KIAA0513: variants seen among roughly 807,000 people sequenced by gnomAD.
KIAA0513 encodes the protein KIAA0513, also known as uncharacterized protein KIAA0513.
KIAA0513 carries 39 observed loss-of-function variants against 56.5 expected under a neutral mutation model. That is an observed-to-expected ratio of 0.69 (90% confidence interval 0.53 to 0.90). The LOEUF (loss-of-function observed/expected upper bound fraction) is 0.90, where lower values mean the gene tolerates loss of function less well. Ranked by LOEUF, KIAA0513 falls within the 40% of genes least tolerant of loss-of-function variation. The probability of loss-of-function intolerance (pLI) is 0.00; values close to 1 mark genes in which losing one functional copy is unlikely to be tolerated. For synonymous variants in KIAA0513, 268 were observed against 215.6 expected (o/e 1.24, Z -2.13); for missense variants, 591 against 535.2 (o/e 1.10, Z -1.03).
chr16:85,034,236 C>G (rs2073004987), intron 1 of KIAA0513, among the ~76,000 whole-genome samples: 1 of 152,112 alleles, frequency 6.6e-6, no homozygotes, highest in African/African-American at 2.4e-5. Flanking sequence ...AAAAATTAGC[C>G]AGGCATGGTT....
intron 1 of KIAA0513, among the ~76,000 whole-genome samples, chr16:85,036,123 G>C (rs1270258248): frequency 6.6e-6 from 1 of 152,112 alleles, no homozygotes; most frequent in Non-Finnish European, 1.5e-5. Context: ...CCTGCTTAGA[G>C]TGTTTAAACA....
chr16:85,032,998 C>T (rs2072986854), intron 1 of KIAA0513, among the ~76,000 whole-genome samples: 1 of 151,976 alleles, frequency 6.6e-6, no homozygotes, highest in Admixed American at 6.6e-5. Context: ...TCTTTTGGGT[C>T]CAGGGGTTGC....
intron 1 of KIAA0513, among the ~76,000 whole-genome samples, chr16:85,053,729 A>G (rs1027560864): frequency 6.6e-6 from 1 of 152,284 alleles, no homozygotes; most frequent in East Asian, 1.9e-4. Flanking sequence ...GCGGTGGCTC[A>G]CGCCTATAAT....
chr16:85,054,697 T>G (rs1345871415), intron 1 of KIAA0513, among the ~76,000 whole-genome samples: 1 of 152,146 alleles, frequency 6.6e-6, no homozygotes, highest in Admixed American at 6.6e-5. Flanking sequence ...CCCACAGTTC[T>G]GGGATTACAG....
chr16:85,040,446 C>G (rs2326464), intron 1 of KIAA0513, among the ~76,000 whole-genome samples: 5,326 of 152,126 alleles, frequency 0.035, 272 homozygotes, highest in African/African-American at 0.11. Context: ...AGGAGGATCG[C>G]TTGAACCTGG....
Position 85,081,424 on chromosome 16 carries a change from A to G in KIAA0513, c.980+32A>G. On this transcript the variant is annotated intron_variant, in intron 9 of 12. Transcript: ENST00000683363. This position sits in a 1 kb window ranked among gnomAD's most constrained non-coding sequence, Gnocchi z 4.4. ...GCAAAGTGTGGCCCCATTTGGCCTC[A>G]GGAAAAAGGACCAGGGAGTGGCTTT... 1 of 1,530,326 alleles carries G rather than the reference A, an allele frequency of 6.5e-7. No homozygotes were observed. Among genetic ancestry groups the G allele is most frequent in the Non-Finnish European group, 8.9e-7 (1 of 1,127,076 alleles). The allele number at this position is 1,530,326 out of a possible 1,614,324, so 94.8% of individuals were successfully genotyped here. A position where few individuals can be genotyped will look rare whatever the true frequency, so the allele number is the denominator to read the frequency against.
chr16:85,086,540 C>T (rs2073810581), intron 10 of KIAA0513, 104 bp from the exon 11 acceptor site: 4 of 1,076,084 alleles, frequency 3.7e-6, no homozygotes, highest in East Asian at 5.2e-5. Context: ...CCGGTGGGGG[C>T]CGTACATGGG....
intron 1 of KIAA0513, among the ~76,000 whole-genome samples, chr16:85,061,483 A>ATG (rs755200546): frequency 1.3e-5 from 2 of 152,178 alleles, no homozygotes; most frequent in South Asian, 2.1e-4. Flanking sequence ...CATGCGTGTG[A>ATG]TGTGTGTGTG....
Position 85,066,979 on chromosome 16 carries a change from G to A in KIAA0513, c.-93G>A. ...TTACTGGCAACTTGTGAGCTTGGTG[G>A]GCTCCTACTAACGCACCTGGGACAC... On this transcript the variant is annotated 5_prime_UTR_variant, in exon 2 of 13. Transcript: ENST00000683363. The A allele has an allele frequency of 9.0e-7, 1 of 1,113,124 alleles. No homozygotes were observed. The highest frequency in any genetic ancestry group is 1.3e-6 in the Non-Finnish European group (1 of 790,654). 69.0% of individuals were successfully genotyped at this position (1,113,124 alleles called of 1,614,324 possible).
At chr16:85,037,243 G>T (rs1350444001) in intron 1 of KIAA0513, among the ~76,000 whole-genome samples, 1 of 152,058 alleles carries the variant, frequency 6.6e-6, no homozygotes, top group Non-Finnish European at 1.5e-5. Flanking sequence ...AGATGACTCA[G>T]TGGCAAAAGT....
rs1398908361 is a variant in KIAA0513 at position 85,086,615 on chromosome 16, C to G, written c.1011-29C>G. 5 of 1,606,270 alleles carry G rather than the reference C, an allele frequency of 3.1e-6. No homozygotes were observed. In the South Asian group the frequency reaches 4.4e-5, roughly 14 times the overall value. ...GGGGCAAGGACAGCACCATCTGAGC[C>G]CCGCTTCTGTCACCTCCTGTGCTTG... On this transcript the variant is annotated intron_variant, in intron 10 of 12. Coordinates refer to ENST00000683363, the MANE Select transcript of KIAA0513 (RefSeq NM_001388359.1).
chr16:85,085,798 C>T (rs117246034), intron 10 of KIAA0513, among the ~76,000 whole-genome samples: 1 of 152,234 alleles, frequency 6.6e-6, no homozygotes, highest in Admixed American at 6.5e-5. Context: ...CCACTTCAGG[C>T]CTTGTGCGGA....
At chr16:85,069,623 C>T (rs561521873) in intron 2 of KIAA0513, among the ~76,000 whole-genome samples, 238 of 152,052 alleles carry the variant, frequency 1.6e-3, no homozygotes, top group African/African-American at 5.5e-3. Flanking sequence ...CCATGGGGTT[C>T]AGGTGTGGAT....
At chr16:85,050,043 G>A (rs1202533452) in intron 1 of KIAA0513, among the ~76,000 whole-genome samples, 3 of 152,136 alleles carry the variant, frequency 2.0e-5, no homozygotes, top group East Asian at 3.9e-4. Context: ...CACCCAGGGA[G>A]GGCGCGCCTT....
At chr16:85,086,470 G>A (rs370359583) in intron 10 of KIAA0513, among the ~76,000 whole-genome samples, 174 bp from the exon 11 acceptor site, 11 of 152,232 alleles carry the variant, frequency 7.2e-5, no homozygotes, top group Non-Finnish European at 1.2e-4. Flanking sequence ...TGAGGATCCC[G>A]GCAGGCCTTG....
chr16:85,039,618 A>G (rs561270813), intron 1 of KIAA0513, among the ~76,000 whole-genome samples: 3 of 152,288 alleles, frequency 2.0e-5, no homozygotes, highest in South Asian at 2.1e-4. Context: ...GACTACAGAC[A>G]TACGTCACCA....
In KIAA0513 at chr16:85,093,965, G is replaced by C. The variant is rs577139160; in HGVS notation, c.*5640G>C. 3 of 152,302 alleles carry C rather than the reference G, an allele frequency of 2.0e-5. No individual in the cohort carries two copies. The highest frequency in any genetic ancestry group is 1.3e-4 in the Admixed American group (2 of 15,306). 9.4% of individuals were successfully genotyped at this position (152,302 alleles called of 1,614,324 possible). A position where few individuals can be genotyped will look rare whatever the true frequency, so the allele number is the denominator to read the frequency against. ...CTGCTTTCTCTTTCCTAGACTCGCG[G>C]TGCTCACATCCAGACATTACCTTGT... On this transcript the variant is annotated 3_prime_UTR_variant, in exon 13 of 13. Coordinates refer to ENST00000683363, the MANE Select transcript of KIAA0513 (RefSeq NM_001388359.1).
At chr16:85,078,015 C>T (rs1411679062) in intron 6 of KIAA0513, among the ~76,000 whole-genome samples, 4 of 152,190 alleles carry the variant, frequency 2.6e-5, no homozygotes, top group Non-Finnish European at 5.9e-5. Flanking sequence ...GAGCAGGGCT[C>T]TGACAGACAC....
chr16:85,074,060 C>T (rs974649987), intron 4 of KIAA0513, among the ~76,000 whole-genome samples: 3 of 151,984 alleles, frequency 2.0e-5, no homozygotes, highest in Non-Finnish European at 4.4e-5. Flanking sequence ...CTGCAACCTC[C>T]GCCTCCCGGT....
Sources: allele counts gnomAD v4.1 joint callset (sites outside exome capture counted in the v4.1 genomes callset), GRCh38; gene constraint gnomAD v4.1.1; non-coding constraint Gnocchi (gnomAD v3.1); transcripts MANE v1.5; gene names NCBI Gene and HGNC (gene_info 2026-07-23, HGNC 2026-07-21).